The following ABCG4 variants were observed in gnomAD, a reference collection of about 807,000 sequenced individuals.
ABCG4 encodes the protein ATP binding cassette subfamily G member 4.
Under a neutral mutation model 64.6 loss-of-function variants are expected in ABCG4, and 35 were observed. The ratio of observed to expected loss-of-function variants is 0.54; its 90% CI spans 0.41 to 0.72. The LOEUF is 0.72. Among genes scored for constraint, ABCG4 ranks in the 30% least tolerant of loss-of-function variants. The pLI, the probability that ABCG4 is intolerant of heterozygous loss-of-function variation, is 0.00. For missense variants in ABCG4, 610 were observed against 846.3 expected (o/e 0.72, Z 3.46); for synonymous variants, 326 against 348.2 (o/e 0.94, Z 0.71).
Position 119,154,648 on chromosome 11 carries a change from G to A in ABCG4, c.540+73G>A, listed in dbSNP as rs637221. 2 of 1,600,334 alleles carry A rather than the reference G, an allele frequency of 1.2e-6. No individual in the cohort carries two copies. Among genetic ancestry groups the A allele is most frequent in the Non-Finnish European group, 1.7e-6 (2 of 1,173,546 alleles). On this transcript the variant is annotated intron_variant, in intron 5 of 14. Transcript: ENST00000619701. This position sits in a 1 kb window ranked among gnomAD's most constrained non-coding sequence, Gnocchi z 7.0. ...CTGAGCTCAAGGCCCCGAGCTGGGAGTGGGAGAGTGGTGGCCTAGGCCGAG... is the reference window on the plus strand; with the variant it reads ...CTGAGCTCAAGGCCCCGAGCTGGGAATGGGAGAGTGGTGGCCTAGGCCGAG...
Position 119,150,100 on chromosome 11 carries a change from T to C in ABCG4, c.135T>C (p.Thr45=). 1 of 1,614,078 alleles carries C rather than the reference T, an allele frequency of 6.2e-7. No homozygotes were observed. The highest frequency in any genetic ancestry group is 1.1e-5 in the South Asian group (1 of 91,088). Residue 45 remains threonine (T), a synonymous_variant, in exon 2 of 15, where the codon ACT becomes ACC. Transcript: ENST00000619701. This position sits in a 1 kb window ranked among gnomAD's most constrained non-coding sequence, Gnocchi z 4.3. ...TGAAGAAGGTGGAGAACCACATCAC[T>C]GAAGCCCAGCGCTTCTCCCACCTAC... ...THLKKVENHI[T]EAQRFSHLPK...
At position 119,161,124 on chromosome 11, in the gene ABCG4, T is replaced by C. The variant is rs770325999; in HGVS notation, c.*18T>C. On this transcript the variant is annotated 3_prime_UTR_variant, in exon 15 of 15. Coordinates refer to ENST00000619701, the MANE Select transcript of ABCG4 (RefSeq NM_022169.5). Reference sequence around the variant, plus strand: ...AGAGATAGAGGCTTGCCCCAGCCTGTACCCCAGCCCCTGCAGCAGGAAGCC... The same window carrying C: ...AGAGATAGAGGCTTGCCCCAGCCTGCACCCCAGCCCCTGCAGCAGGAAGCC... 2.5e-6 allele frequency: 4 copies of C among 1,604,640 alleles called. No individual in the cohort carries two copies. The Admixed American group carries it at 5.0e-5, about 20-fold the overall frequency.
Position 119,161,136 on chromosome 11 carries a change from T to TGCAGCAGGAAGCCCCC in ABCG4, c.*31_*46dup, listed in dbSNP as rs1413991411. On this transcript the variant is annotated 3_prime_UTR_variant, in exon 15 of 15. Coordinates refer to ENST00000619701, the MANE Select transcript of ABCG4 (RefSeq NM_022169.5). ...TTGCCCCAGCCTGTACCCCAGCCCC[T>TGCAGCAGGAAGCCCCC]GCAGCAGGAAGCCCCCAGTCCCAGC... 6.3e-7 allele frequency: 1 copy of TGCAGCAGGAAGCCCCC among 1,595,306 alleles called. No homozygotes were observed. The highest frequency in any genetic ancestry group is 8.6e-7 in the Non-Finnish European group (1 of 1,167,736).
rs1250189690 is a variant in ABCG4 at position 119,158,311 on chromosome 11, C to T, written c.1146C>T (p.Phe382=). The change falls in exon 10 of 15, where the codon TTC becomes TTT. Residue 382 remains phenylalanine, a synonymous_variant. Coordinates refer to ENST00000619701, the MANE Select transcript of ABCG4 (RefSeq NM_022169.5). This position sits in a 1 kb window ranked among gnomAD's most constrained non-coding sequence, Gnocchi z 4.5. ...TCTGCATCCTCTTCAAGAGGACCTT[C>T]CTGTCCATCCTCAGGGACACGGTGA... is the stretch of plus-strand genomic sequence containing the variant. The part of the protein sequence containing the change: ...TQFCILFKRT[F]LSILRDTVLT... 6.2e-7 allele frequency: 1 copy of T among 1,614,168 alleles called. No homozygotes were observed. The highest frequency in any genetic ancestry group is 1.7e-5 in the Admixed American group (1 of 60,024).
Position 119,158,275 on chromosome 11 carries a change from C to T in ABCG4, c.1110C>T (p.Thr370=). The T allele has an allele frequency of 2.5e-6, 4 of 1,610,978 alleles. No individual in the cohort carries two copies. The South Asian group carries it at 3.3e-5, about 13-fold the overall frequency. ...AAAGCCACACCTTTGCCACCAGCACCCTCACACAGTTCTGCATCCTCTTCA... is the reference window on the plus strand; with the variant it reads ...AAAGCCACACCTTTGCCACCAGCACTCTCACACAGTTCTGCATCCTCTTCA... The part of the protein sequence containing the change: ...PIESHTFATS[T]LTQFCILFKR... Residue 370 remains threonine (T), a synonymous_variant, in exon 10 of 15, where the codon ACC becomes ACT. Transcript: ENST00000619701. The surrounding 1 kb of genome is among the most constrained non-coding windows in gnomAD (Gnocchi z 4.5).
Position 119,160,710 on chromosome 11 carries a change from A to G in ABCG4, c.1715+54A>G. On this transcript the variant is annotated intron_variant, in intron 14 of 14. Coordinates refer to ENST00000619701, the MANE Select transcript of ABCG4 (RefSeq NM_022169.5). The surrounding 1 kb of genome is among the most constrained non-coding windows in gnomAD (Gnocchi z 4.6). ...TCTGCTCCTCCCTGGAGGAGTCCAT[A>G]CCCAGGGCTTCCTGGGTTGTGCCAA... 1 of 1,548,296 alleles carries G rather than the reference A, an allele frequency of 6.5e-7. No individual in the cohort carries two copies. The highest frequency in any genetic ancestry group is 8.9e-7 in the Non-Finnish European group (1 of 1,121,602).
In ABCG4 at chr11:119,154,960, G is replaced by A. The variant is rs750912598; in HGVS notation, c.686+45G>A. On this transcript the variant is annotated intron_variant, in intron 6 of 14. Coordinates refer to ENST00000619701, the MANE Select transcript of ABCG4 (RefSeq NM_022169.5). This position sits in a 1 kb window ranked among gnomAD's most constrained non-coding sequence, Gnocchi z 7.0. ...CCCACCAGGATACCCCTCTCCTCTC[G>A]GCCCTGAGCCAGGGCTGGAGGCTGC... 239 of 1,571,758 alleles carry A rather than the reference G, an allele frequency of 1.5e-4. No individual in the cohort carries two copies. Among genetic ancestry groups the A allele is most frequent in the Non-Finnish European group, 1.8e-4 (208 of 1,152,054 alleles).
chr11:119,152,056 G>A (rs1399143765), intron 2 of ABCG4, among the ~76,000 whole-genome samples: 3 of 152,212 alleles, frequency 2.0e-5, no homozygotes, highest in African/African-American at 7.2e-5. Context: ...TAATTGAGGG[G>A]AAGGTTCGTC....
intron 9 of ABCG4, 33 bp downstream of exon 9, chr11:119,157,047 A>G: frequency 6.4e-7 from 1 of 1,566,466 alleles, no homozygotes; most frequent in Non-Finnish European, 8.6e-7. Context: ...GAGCAGGCAT[A>G]GTTGGGGAGG....
chr11:119,158,965 T>C lies in ABCG4; in HGVS notation c.1437+36T>C, dbSNP rs773784335. ...TCCTCCCACCTGCCCACTGCCTCCA[T>C]CTTGTCTTGCTCCTTCTATCCTTGC... On this transcript the variant is annotated intron_variant, in intron 12 of 14. Transcript: ENST00000619701. This position sits in a 1 kb window ranked among gnomAD's most constrained non-coding sequence, Gnocchi z 4.5. 3 of 1,591,518 alleles carry C rather than the reference T, an allele frequency of 1.9e-6. No individual in the cohort carries two copies. Among genetic ancestry groups the C allele is most frequent in the Non-Finnish European group, 2.6e-6 (3 of 1,159,970 alleles).
chr11:119,150,341 C>T lies in ABCG4; in HGVS notation c.238+138C>T. 1.6e-6 allele frequency: 2 copies of T among 1,237,552 alleles called. No individual in the cohort carries two copies. Among genetic ancestry groups the T allele is most frequent in the East Asian group, 2.4e-5 (1 of 42,068 alleles). The allele number at this position is 1,237,552 out of a possible 1,614,324, so 76.7% of individuals were successfully genotyped here. A position where few individuals can be genotyped will look rare whatever the true frequency, so the allele number is the denominator to read the frequency against. On this transcript the variant is annotated intron_variant, in intron 2 of 14. Transcript: ENST00000619701. This position sits in a 1 kb window ranked among gnomAD's most constrained non-coding sequence, Gnocchi z 4.3. ...GAAACACTAAAATCTGGGCCCCAGCCCGTTGCTCACTGTGCACTCTTGGGG... is the reference window on the plus strand; with the variant it reads ...GAAACACTAAAATCTGGGCCCCAGCTCGTTGCTCACTGTGCACTCTTGGGG...
At position 119,156,190 on chromosome 11, in the gene ABCG4, C is replaced by G; in HGVS notation, c.687-139C>G. 8.6e-7 allele frequency: 1 copy of G among 1,166,340 alleles called. No homozygotes were observed. Among genetic ancestry groups the G allele is most frequent in the Non-Finnish European group, 1.2e-6 (1 of 811,638 alleles). 72.2% of individuals were successfully genotyped at this position (1,166,340 alleles called of 1,614,324 possible). ...TGGGTATCCCTCCAAGTGCCTGAAC[C>G]GTAAAGGATACAGATGCGGCCAGAG... On this transcript the variant is annotated intron_variant, in intron 6 of 14. Coordinates refer to ENST00000619701, the MANE Select transcript of ABCG4 (RefSeq NM_022169.5). The surrounding 1 kb of genome is among the most constrained non-coding windows in gnomAD (Gnocchi z 5.5).
At position 119,158,603 on chromosome 11, in the gene ABCG4, T is replaced by G; in HGVS notation, c.1214T>G (p.Leu405Arg). ...RFMSHVVIGVLIGLLYLHIGD... is the reference protein window; with the variant it reads ...RFMSHVVIGVRIGLLYLHIGD... The stretch of plus-strand genomic sequence containing the variant: ...ATGTCCCACGTGGTTATTGGCGTGC[T>G]CATCGGCCTCCTCTACCTGCATATT... The change falls in exon 11 of 15, where the codon CTC becomes CGC. Residue 405 changes from leucine to arginine, a missense_variant. Leu to Arg is a moderately radical substitution (Grantham distance 102). Transcript: ENST00000619701. The surrounding 1 kb of genome is among the most constrained non-coding windows in gnomAD (Gnocchi z 4.5). 2 of 1,614,226 alleles carry G rather than the reference T, an allele frequency of 1.2e-6. No individual in the cohort carries two copies. The highest frequency in any genetic ancestry group is 1.7e-6 in the Non-Finnish European group (2 of 1,180,028).
At position 119,156,216 on chromosome 11, in the gene ABCG4, T is replaced by G. The variant is rs1592305762; in HGVS notation, c.687-113T>G. The stretch of plus-strand genomic sequence containing the variant: ...GTAAAGGATACAGATGCGGCCAGAG[T>G]GCCCTCTTCCTGCCAGCTTCATCCC... On this transcript the variant is annotated intron_variant, in intron 6 of 14. Transcript: ENST00000619701. The surrounding 1 kb of genome is among the most constrained non-coding windows in gnomAD (Gnocchi z 5.5). The G allele has an allele frequency of 7.1e-7, 1 of 1,412,364 alleles. No individual in the cohort carries two copies. The highest frequency in any genetic ancestry group is 9.8e-7 in the Non-Finnish European group (1 of 1,019,378). 87.5% of individuals were successfully genotyped at this position (1,412,364 alleles called of 1,614,324 possible).
rs143859636 is a variant in ABCG4, at chr11:119,162,164, G to A, written c.*1058G>A. 352 of 153,010 alleles carry A rather than the reference G, an allele frequency of 2.3e-3. No individual in the cohort carries two copies. The highest frequency in any genetic ancestry group is 7.8e-3 in the African/African-American group (326 of 41,558). The allele number at this position is 153,010 out of a possible 1,614,324, so 9.5% of individuals were successfully genotyped here. ...CAGGGTGTCTACAGGAACTGCAGGT[G>A]TCTACCCCCAAGTCTTCCCTCCTCC... On this transcript the variant is annotated 3_prime_UTR_variant, in exon 15 of 15. Transcript: ENST00000619701.
In ABCG4 at chr11:119,156,697, G is replaced by C. The variant is rs754010221; in HGVS notation, c.925+19G>C. ...GACTTCAGTGAGTGGGGGTCTGTTG[G>C]TAGGGGCTGGGAAACAGCAGTGGGC... On this transcript the variant is annotated intron_variant, in intron 8 of 14. Transcript: ENST00000619701. The surrounding 1 kb of genome is among the most constrained non-coding windows in gnomAD (Gnocchi z 5.5). 4 of 1,613,254 alleles carry C rather than the reference G, an allele frequency of 2.5e-6. No individual in the cohort carries two copies. Among genetic ancestry groups the C allele is most frequent in the Non-Finnish European group, 2.5e-6 (3 of 1,179,220 alleles).
chr11:119,150,044 G>C lies in ABCG4; in HGVS notation c.79G>C (p.Gly27Arg). 1 of 1,613,748 alleles carries C rather than the reference G, an allele frequency of 6.2e-7. No homozygotes were observed. The highest frequency in any genetic ancestry group is 8.5e-7 in the Non-Finnish European group (1 of 1,180,010). ...AVAMAVTLED[G>R]AEPPVLTTHL... ...GGCCATGGCCGTGACGCTGGAGGACGGGGCGGAACCCCCTGTGCTGACCAC... is the reference window on the plus strand; with the variant it reads ...GGCCATGGCCGTGACGCTGGAGGACCGGGCGGAACCCCCTGTGCTGACCAC... Residue 27 changes from glycine (G) to arginine (R), a missense_variant, in exon 2 of 15, where the codon GGG becomes CGG. Physicochemically the swap from Gly to Arg is moderately radical, Grantham distance 125 (BLOSUM62 -2). Transcript: ENST00000619701. This position sits in a 1 kb window ranked among gnomAD's most constrained non-coding sequence, Gnocchi z 4.3.
rs1417618512 is a variant in ABCG4, at chr11:119,154,719, G to C, written c.541-51G>C. ...GCTTTTTGAAGCTGGGGTGGTGCCT[G>C]GGGGAAGCAGAGACTCCGAAGCTGA... On this transcript the variant is annotated intron_variant, in intron 5 of 14. Transcript: ENST00000619701. The surrounding 1 kb of genome is among the most constrained non-coding windows in gnomAD (Gnocchi z 7.0). The C allele has an allele frequency of 7.5e-6, 12 of 1,591,618 alleles. No individual in the cohort carries two copies. The highest frequency in any genetic ancestry group is 3.4e-5 in the Admixed American group (2 of 58,608).
chr11:119,149,957 G>T lies in ABCG4; in HGVS notation c.-9G>T. 1 of 1,602,032 alleles carries T rather than the reference G, an allele frequency of 6.2e-7. No homozygotes were observed. Among genetic ancestry groups the T allele is most frequent in the Admixed American group, 1.7e-5 (1 of 59,922 alleles). ...TGAGCAGGCCCTCCCCTTGCAGGTC[G>T]GCGGCGTGATGGCGGAGAAGGCGCT... On this transcript the variant is annotated 5_prime_UTR_variant, in exon 2 of 15. Coordinates refer to ENST00000619701, the MANE Select transcript of ABCG4 (RefSeq NM_022169.5). This position sits in a 1 kb window ranked among gnomAD's most constrained non-coding sequence, Gnocchi z 8.3.
Sources: gnomAD v4.1 joint callset for allele counts (sites outside exome capture counted in the v4.1 genomes callset) on GRCh38, gnomAD v4.1.1 for gene constraint, Gnocchi (gnomAD v3.1) non-coding constraint, MANE v1.5 for transcripts, NCBI Gene and HGNC (gene_info 2026-07-23, HGNC 2026-07-21) for gene names.